The following MCC variants were observed in gnomAD, a reference collection of about 807,000 sequenced individuals.
MCC encodes colorectal mutant cancer protein.
In MCC, 90 loss-of-function variants were observed where a neutral mutation model predicts 116.2. That is an observed-to-expected ratio of 0.77 (90% CI 0.65 to 0.92). MCC has a LOEUF of 0.92. Among genes scored for constraint, MCC ranks in the 40% least tolerant of loss-of-function variants. MCC has a pLI of 0.00. For synonymous variants in MCC, 578 were observed against 510.5 expected (o/e 1.13, Z -1.78); for missense variants, 1,516 against 1,312.2 (o/e 1.16, Z -2.40).
At chr5:113,325,364 C>T (rs1317255444) in intron 3 of MCC, among the ~76,000 whole-genome samples, 1 of 151,238 alleles carries the variant, frequency 6.6e-6, no homozygotes, top group East Asian at 1.9e-4. Context: ...AACCTCAAAA[C>T]AAAACCCATC....
chr5:113,170,649 T>A (rs1761026983), intron 3 of MCC, among the ~76,000 whole-genome samples: 1 of 152,160 alleles, frequency 6.6e-6, no homozygotes, highest in South Asian at 2.1e-4. Flanking sequence ...ATTTACTGAC[T>A]TTTATATATA....
intron 3 of MCC, among the ~76,000 whole-genome samples, chr5:113,337,294 C>T (rs1767893315): frequency 6.6e-6 from 1 of 152,200 alleles, no homozygotes; most frequent in African/African-American, 2.4e-5. Context: ...CGGAGGACAC[C>T]TCAGTGATAC....
chr5:113,095,289 T>C (rs779716650), intron 8 of MCC, among the ~76,000 whole-genome samples: 3 of 152,120 alleles, frequency 2.0e-5, no homozygotes, highest in Admixed American at 6.5e-5. Flanking sequence ...CCTCCCCTAA[T>C]AAGGCCACCA....
At chr5:113,426,687 A>G (rs932284734) in intron 1 of MCC, among the ~76,000 whole-genome samples, 1 of 152,178 alleles carries the variant, frequency 6.6e-6, no homozygotes, top group African/African-American at 2.4e-5. Flanking sequence ...GAAAAGGAAA[A>G]GGTTCACTGA....
intron 1 of MCC, among the ~76,000 whole-genome samples, chr5:113,486,787 A>G (rs183923809): frequency 6.6e-6 from 1 of 151,990 alleles, no homozygotes; most frequent in Admixed American, 6.6e-5. Flanking sequence ...GGTTGCAGTG[A>G]GCCAAGACCA....
intron 1 of MCC, among the ~76,000 whole-genome samples, chr5:113,429,283 G>C (rs1229258659): frequency 6.6e-6 from 1 of 152,090 alleles, no homozygotes; most frequent in Admixed American, 6.5e-5. Flanking sequence ...GAAAGAGAGA[G>C]AGAGAGAGAG....
chr5:113,390,430 C>T (rs1364918969), intron 1 of MCC, among the ~76,000 whole-genome samples: 1 of 152,158 alleles, frequency 6.6e-6, no homozygotes, highest in Non-Finnish European at 1.5e-5. Context: ...TTAGAGAACA[C>T]CAATCACCAG....
chr5:113,340,523 T>C lies in MCC; in HGVS notation c.623A>G (p.Asn208Ser), dbSNP rs141953753. ...SVGGSYLELA[N>S]TLHSAALASL... Reference sequence around the variant, plus strand: ...CATGAACCAAAAAGTACTCACTGTGTTGGCCAGCTCTAGATAGCTTCCTCC... The same window carrying C: ...CATGAACCAAAAAGTACTCACTGTGCTGGCCAGCTCTAGATAGCTTCCTCC... The change falls in exon 3 of 19, where the codon AAC becomes AGC. Residue 208 changes from asparagine to serine, a missense_variant. By Grantham distance (46) the Asn-to-Ser change is conservative. Coordinates refer to ENST00000408903, the MANE Select transcript of MCC (RefSeq NM_001085377.2). 4.6e-4 allele frequency: 741 copies of C among 1,613,954 alleles called. No individual in the cohort carries two copies. The highest frequency in any genetic ancestry group is 9.2e-4 in the Admixed American group (55 of 60,000).
chr5:113,215,170 A>C (rs934220200), intron 3 of MCC, among the ~76,000 whole-genome samples: 12 of 152,210 alleles, frequency 7.9e-5, no homozygotes, highest in East Asian at 1.9e-4. Flanking sequence ...GGCAGAGGTG[A>C]ATGCATCCTC....
At chr5:113,487,708 T>C (rs1229210141) in intron 1 of MCC, among the ~76,000 whole-genome samples, 1 of 152,248 alleles carries the variant, frequency 6.6e-6, no homozygotes, top group Non-Finnish European at 1.5e-5. Flanking sequence ...ACGATACCCA[T>C]TCTTTGGGCT....
At position 113,060,657 on chromosome 5, in the gene MCC, C is replaced by G. The variant is rs1004635809; in HGVS notation, c.2213+3327G>C. 3.9e-5 allele frequency among the ~76,000 whole-genome samples: 6 copies of G among 152,260 alleles called. No homozygotes were observed. In the East Asian group the frequency reaches 1.2e-3, roughly 29 times the overall value. ...AACAAACATACAGTTCTTTTGAAAT[C>G]AAGAAGTTAGATCTCACTAGAAAAA... is the stretch of plus-strand genomic sequence containing the variant. On this transcript the variant is annotated intron_variant, in intron 14 of 18. Coordinates refer to ENST00000408903, the MANE Select transcript of MCC (RefSeq NM_001085377.2).
chr5:113,114,798 C>T (rs1047219916), intron 6 of MCC, among the ~76,000 whole-genome samples: 52 of 152,312 alleles, frequency 3.4e-4, no homozygotes, highest in African/African-American at 1.2e-3. Context: ...CATCCCCCTT[C>T]TAGCTCCCCT....
intron 1 of MCC, chr5:113,433,979 C>A: frequency 1.2e-6 from 2 of 1,614,030 alleles, no homozygotes; most frequent in Non-Finnish European, 1.7e-6. Flanking sequence ...AACTCTCCCC[C>A]TCCTTGTTGA....
intron 3 of MCC, among the ~76,000 whole-genome samples, chr5:113,274,119 C>A (rs1765722112): frequency 1.3e-5 from 2 of 152,234 alleles, no homozygotes; most frequent in South Asian, 4.1e-4. Context: ...GAGTGCCACA[C>A]AGGGGATTTA....
chr5:113,056,070 G>A (rs1377854674), intron 14 of MCC, among the ~76,000 whole-genome samples: 1 of 152,156 alleles, frequency 6.6e-6, no homozygotes, highest in Non-Finnish European at 1.5e-5. Context: ...TCAAGAGATC[G>A]ATCTTGATCT....
rs1305534358 is a variant in MCC, at chr5:113,022,730, G to A, written c.*4572C>T. 2.6e-5 allele frequency: 4 copies of A among 152,238 alleles called. No individual in the cohort carries two copies. Among genetic ancestry groups the A allele is most frequent in the Non-Finnish European group, 5.9e-5 (4 of 68,038 alleles). The allele number at this position is 152,238 out of a possible 1,614,324, so 9.4% of individuals were successfully genotyped here. A position where few individuals can be genotyped will look rare whatever the true frequency, so the allele number is the denominator to read the frequency against. On this transcript the variant is annotated 3_prime_UTR_variant, in exon 19 of 19. Coordinates refer to ENST00000408903, the MANE Select transcript of MCC (RefSeq NM_001085377.2). ...TACTAAGTACGGCATCAGTGTGAAT[G>A]TGGGGGAAATTTGTGTATAACTTGC...
chr5:113,031,086 C>T (rs1052995333), intron 17 of MCC, among the ~76,000 whole-genome samples: 32 of 152,104 alleles, frequency 2.1e-4, no homozygotes, highest in African/African-American at 7.7e-4. Context: ...CCTTTAGCTA[C>T]TATGAGGGTA....
intron 1 of MCC, among the ~76,000 whole-genome samples, chr5:113,419,996 A>G (rs1342091830): frequency 6.6e-6 from 1 of 151,634 alleles, no homozygotes; most frequent in African/African-American, 2.4e-5. Flanking sequence ...CGTTGTGCAC[A>G]TGTACCCTAA....
chr5:113,433,941 G>C (rs952474850), intron 1 of MCC: 2 of 1,613,888 alleles, frequency 1.2e-6, no homozygotes, highest in South Asian at 2.2e-5. Flanking sequence ...GCCAGGTTCG[G>C]GGGTCCACAA....
Sources: allele counts gnomAD v4.1 joint callset (sites outside exome capture counted in the v4.1 genomes callset), GRCh38; gene constraint gnomAD v4.1.1; transcripts MANE v1.5; gene names NCBI Gene and HGNC (gene_info 2026-07-23, HGNC 2026-07-21).